RPTOR: variants seen among roughly 807,000 people sequenced by gnomAD.
The protein encoded by RPTOR is regulatory-associated protein of mTOR.
Under a neutral mutation model 169.9 loss-of-function variants are expected in RPTOR, and 21 were observed. That is an observed-to-expected ratio of 0.12 (90% CI 0.09 to 0.18). RPTOR has a LOEUF of 0.18. Ranked by LOEUF, RPTOR falls within the 10% of genes least tolerant of loss-of-function variation. The pLI, the probability that RPTOR is intolerant of heterozygous loss-of-function variation, is 1.00. For synonymous variants in RPTOR, 732 were observed against 753.2 expected, an observed-to-expected ratio of 0.97 and a Z score of 0.46; for missense variants, 1,133 against 1,855.9, an observed-to-expected ratio of 0.61 and a Z score of 7.16.
chr17:80,858,721 G>A (rs949928921), intron 13 of RPTOR, among the ~76,000 whole-genome samples: 1 of 152,130 alleles, frequency 6.6e-6, no homozygotes. Flanking sequence ...GGTGGATGTC[G>A]GGCGGGGGTC....
At chr17:80,819,601 C>T (rs1328699546) in intron 7 of RPTOR, among the ~76,000 whole-genome samples, 1 of 152,140 alleles carries the variant, frequency 6.6e-6, no homozygotes, top group Non-Finnish European at 1.5e-5. Flanking sequence ...ATGGTTGGTT[C>T]CTGGAAGTTG....
intron 5 of RPTOR, among the ~76,000 whole-genome samples, chr17:80,731,717 T>A (rs796117802): frequency 6.6e-6 from 1 of 152,154 alleles, no homozygotes; most frequent in Non-Finnish European, 1.5e-5. Context: ...ATTCTCAATT[T>A]AGGAGCAAAA....
intron 1 of RPTOR, among the ~76,000 whole-genome samples, chr17:80,624,533 G>A (rs527336114): frequency 6.6e-6 from 1 of 152,124 alleles, no homozygotes; most frequent in Non-Finnish European, 1.5e-5. Flanking sequence ...AATTAATGTA[G>A]TACTAGTAGA....
In RPTOR at chr17:80,960,499, C is replaced by G. The variant is rs544477476; in HGVS notation, c.3605+294C>G. On this transcript the variant is annotated intron_variant, in intron 30 of 33. Transcript: ENST00000306801. This position sits in a 1 kb window ranked among gnomAD's most constrained non-coding sequence, Gnocchi z 4.8. ...CCAGTGGACTGGAGGCAGAGGCTGT[C>G]GGGGTGAGGCAGGGCCGCAGCCAGG... Among the ~76,000 whole-genome samples, 1 of 152,176 alleles carries G rather than the reference C, an allele frequency of 6.6e-6. No individual in the cohort carries two copies. The highest frequency in any genetic ancestry group is 2.4e-5 in the African/African-American group (1 of 41,452).
intron 9 of RPTOR, among the ~76,000 whole-genome samples, 180 bp from the exon 10 acceptor site, chr17:80,837,742 T>A (rs571255083): frequency 6.6e-6 from 1 of 152,310 alleles, no homozygotes; most frequent in Non-Finnish European, 1.5e-5. Context: ...CCCTCGGACG[T>A]CTTCTGCAGC....
chr17:80,928,141 G>A (rs561724187), intron 24 of RPTOR, among the ~76,000 whole-genome samples: 3 of 152,264 alleles, frequency 2.0e-5, no homozygotes, highest in South Asian at 2.1e-4. Context: ...TGTGGTCGGC[G>A]TCGTCTGTAA....
At chr17:80,774,655 A>G (rs2066876065) in intron 6 of RPTOR, among the ~76,000 whole-genome samples, 1 of 152,194 alleles carries the variant, frequency 6.6e-6, no homozygotes, top group Non-Finnish European at 1.5e-5. Flanking sequence ...CGTACTTTAC[A>G]CGAGAACCAG....
rs2069431090 is a variant in RPTOR, at chr17:80,966,250, T to C, written c.*1920T>C. ...TAACCGGCTCGAGAGAGCGCCGGCCTAGAGGCTCATTATCTATTTATTTTA... is the reference window on the plus strand; with the variant it reads ...TAACCGGCTCGAGAGAGCGCCGGCCCAGAGGCTCATTATCTATTTATTTTA... On this transcript the variant is annotated 3_prime_UTR_variant, in exon 34 of 34. Transcript: ENST00000306801. 1 of 232,198 alleles carries C rather than the reference T, an allele frequency of 4.3e-6. No individual in the cohort carries two copies. Among genetic ancestry groups the C allele is most frequent in the Non-Finnish European group, 8.5e-6 (1 of 117,502 alleles). The allele number at this position is 232,198 out of a possible 1,614,324, so 14.4% of individuals were successfully genotyped here.
intron 6 of RPTOR, among the ~76,000 whole-genome samples, chr17:80,769,832 C>T (rs556091343): frequency 4.3e-4 from 66 of 152,276 alleles, no homozygotes; most frequent in African/African-American, 1.5e-3. Context: ...GGCCAGGACA[C>T]GAGAGGGAGG....
intron 20 of RPTOR, among the ~76,000 whole-genome samples, chr17:80,908,242 G>C (rs1397153551): frequency 6.6e-6 from 1 of 152,222 alleles, no homozygotes; most frequent in African/African-American, 2.4e-5. Flanking sequence ...CTTGCATTGA[G>C]TGTTGGGTGA....
intron 13 of RPTOR, among the ~76,000 whole-genome samples, chr17:80,875,490 AAT>A (rs1477978042): frequency 6.6e-6 from 1 of 152,140 alleles, no homozygotes; most frequent in East Asian, 1.9e-4. Context: ...CAGGAAAAAA[AAT>A]GTCATGTTCA....
chr17:80,571,031 C>T lies in RPTOR; in HGVS notation c.162+25240C>T, dbSNP rs964434210. 4.6e-5 allele frequency among the ~76,000 whole-genome samples: 7 copies of T among 152,264 alleles called. No individual in the cohort carries two copies. In the East Asian group the frequency reaches 7.7e-4, roughly 17 times the overall value. Reference sequence around the variant, plus strand: ...TTTGCATTTCACTTGGGCTTTATAACGCCAGGTAGGTCAGAGGTTGAAACT... The same window carrying T: ...TTTGCATTTCACTTGGGCTTTATAATGCCAGGTAGGTCAGAGGTTGAAACT... On this transcript the variant is annotated intron_variant, in intron 1 of 33. Transcript: ENST00000306801.
At position 80,814,664 on chromosome 17, in the gene RPTOR, A is replaced by G. The variant is rs151308169; in HGVS notation, c.891-7537A>G. On this transcript the variant is annotated intron_variant, in intron 7 of 33. Transcript: ENST00000306801. ...GTATGCGGCACCTGTTCTGTATTCA[A>G]CGTTTCATGCCATCAAATATGTACA... Among the ~76,000 whole-genome samples the G allele has an allele frequency of 1.8e-3, 277 of 152,276 alleles. 1 individual carries two copies. Among genetic ancestry groups the G allele is most frequent in the African/African-American group, 6.0e-3 (251 of 41,552 alleles).
At chr17:80,648,898 G>T (rs2143613305) in intron 3 of RPTOR, among the ~76,000 whole-genome samples, 1 of 152,266 alleles carries the variant, frequency 6.6e-6, no homozygotes, top group Non-Finnish European at 1.5e-5. Flanking sequence ...TCACGTCCCT[G>T]CACGAGCTCT....
At chr17:80,668,259 A>G (rs1331842154) in intron 3 of RPTOR, among the ~76,000 whole-genome samples, 2 of 152,158 alleles carry the variant, frequency 1.3e-5, no homozygotes, top group Non-Finnish European at 2.9e-5. Context: ...GTTGCCTGAT[A>G]ATCTCCAAGT....
chr17:80,934,090 C>G (rs1388993956), intron 24 of RPTOR, among the ~76,000 whole-genome samples: 2 of 150,954 alleles, frequency 1.3e-5, no homozygotes, highest in Non-Finnish European at 2.9e-5. Flanking sequence ...TACTACCAAA[C>G]GTCATTCAGT....
chr17:80,688,117 T>G (rs560739085), intron 3 of RPTOR, among the ~76,000 whole-genome samples: 2 of 152,338 alleles, frequency 1.3e-5, no homozygotes, highest in South Asian at 4.1e-4. Context: ...TATTGATAAG[T>G]AGTCAGATGC....
rs138797018 is a variant in RPTOR, at chr17:80,651,140, G to A, written c.348+7330G>A. Reference sequence around the variant, plus strand: ...GTTAACTTGGGGACCGTGATACAGAGCGATGCGGAGATGGCTCTGAAGGAC... The same window carrying A: ...GTTAACTTGGGGACCGTGATACAGAACGATGCGGAGATGGCTCTGAAGGAC... On this transcript the variant is annotated intron_variant, in intron 3 of 33. Transcript: ENST00000306801. The surrounding 1 kb of genome is among the most constrained non-coding windows in gnomAD (Gnocchi z 4.1). Among the ~76,000 whole-genome samples, 898 of 152,282 alleles carry A rather than the reference G, an allele frequency of 5.9e-3. 9 individuals are homozygous for A. The highest frequency in any genetic ancestry group is 7.0e-3 in the Non-Finnish European group (476 of 68,016).
chr17:80,550,751 T>A (rs1022347008), intron 1 of RPTOR, among the ~76,000 whole-genome samples: 2 of 152,196 alleles, frequency 1.3e-5, no homozygotes, highest in African/African-American at 4.8e-5. Flanking sequence ...TACATTGGCC[T>A]GCTTCATTTT....
Sources: gnomAD v4.1 joint callset for allele counts (sites outside exome capture counted in the v4.1 genomes callset) on GRCh38, gnomAD v4.1.1 for gene constraint, Gnocchi (gnomAD v3.1) non-coding constraint, MANE v1.5 for transcripts, NCBI Gene and HGNC (gene_info 2026-07-23, HGNC 2026-07-21) for gene names.